ASXL3: variants seen among roughly 807,000 people sequenced by gnomAD.
ASXL3 encodes putative Polycomb group protein ASXL3.
Under a neutral mutation model 170.6 loss-of-function variants are expected in ASXL3, and 34 were observed. That is an observed-to-expected ratio of 0.20 (90% CI 0.15 to 0.27). The LOEUF (loss-of-function observed/expected upper bound fraction) is 0.27, where lower values mean the gene tolerates loss of function less well. Ranked by LOEUF, ASXL3 falls within the 10% of genes least tolerant of loss-of-function variation. The pLI, the probability that ASXL3 is intolerant of heterozygous loss-of-function variation, is 1.00. For synonymous variants in ASXL3, 1,002 were observed against 989.1 expected, an observed-to-expected ratio of 1.01 and a Z score of -0.24; for missense variants, 2,592 against 2,695.3, an observed-to-expected ratio of 0.96 and a Z score of 0.85.
In ASXL3 at chr18:33,738,865, TGAA is replaced by T; in HGVS notation, c.1465_1467del (p.Glu489del). 1 of 1,613,610 alleles carries T rather than the reference TGAA, an allele frequency of 6.2e-7. No individual in the cohort carries two copies. The highest frequency in any genetic ancestry group is 1.1e-5 in the South Asian group (1 of 91,060). ...AGGCTGAAAGTCTAACCAATTCTCA[TGAA>T]GAACCCCAAATAGCACCTCCTGAAG... On this transcript the variant is annotated inframe_deletion, in exon 11 of 12. Coordinates refer to ENST00000269197, the MANE Select transcript of ASXL3 (RefSeq NM_030632.3).
chr18:33,745,930 C>A lies in ASXL3; in HGVS notation c.6082C>A (p.Pro2028Thr). Residue 2028 changes from proline (P) to threonine (T), a missense_variant, in exon 12 of 12, where the codon CCC becomes ACC. Pro to Thr is a conservative substitution (Grantham distance 38). Around this residue, in one of 4 missense-constraint regions of ASXL3, gnomAD observed 2,246 missense variants for 2,219.6 expected, o/e 1.01. Coordinates refer to ENST00000269197, the MANE Select transcript of ASXL3 (RefSeq NM_030632.3). Reference protein sequence around the residue: ...PPPPPPPPPPPLALPPPPPPP... With the variant: ...PPPPPPPPPPTLALPPPPPPP... The stretch of plus-strand genomic sequence containing the variant: ...GCCACCGCCTCCCCCTCCCCCTCCA[C>A]CCTTGGCTTTGCCCCCGCCTCCCCC... The A allele has an allele frequency of 6.4e-7, 1 of 1,551,508 alleles. No homozygotes were observed. Among genetic ancestry groups the A allele is most frequent in the Non-Finnish European group, 8.7e-7 (1 of 1,151,556 alleles).
In ASXL3 at chr18:33,590,111, G is replaced by GTTTTTTTTTTTTTTTTTTT. The variant is rs567969303; in HGVS notation, c.54+11427_54+11445dup. Among the ~76,000 whole-genome samples the GTTTTTTTTTTTTTTTTTTT allele has an allele frequency of 2.2e-3, 182 of 83,094 alleles. 5 individuals are homozygous for GTTTTTTTTTTTTTTTTTTT. Among genetic ancestry groups the GTTTTTTTTTTTTTTTTTTT allele is most frequent in the African/African-American group, 4.4e-3 (64 of 14,534 alleles). 54.5% of individuals were successfully genotyped at this position (83,094 alleles called of 152,430 possible). A position where few individuals can be genotyped will look rare whatever the true frequency, so the allele number is the denominator to read the frequency against. On this transcript the variant is annotated intron_variant, in intron 1 of 11. Transcript: ENST00000269197. Reference sequence around the variant, plus strand: ...TGTCGTCAAGGTATTTGCTTTCTATGTTTTTTTTTTTTTTTTTTTGCTTTG... The same window carrying GTTTTTTTTTTTTTTTTTTT: ...TGTCGTCAAGGTATTTGCTTTCTATGTTTTTTTTTTTTTTTTTTTTTTTTTTTTTTTTTTTTTTGCTTTG...
At chr18:33,624,544 C>G (rs1341676182) in intron 2 of ASXL3, among the ~76,000 whole-genome samples, 2 of 151,990 alleles carry the variant, frequency 1.3e-5, no homozygotes, top group African/African-American at 4.8e-5. Flanking sequence ...TAGAATTTCC[C>G]TTGCTTTCCC....
chr18:33,680,964 T>A (rs1294820698), intron 7 of ASXL3, among the ~76,000 whole-genome samples: 1 of 152,046 alleles, frequency 6.6e-6, no homozygotes, highest in Admixed American at 6.5e-5. Context: ...TTAATTTTAA[T>A]TTTTTTCCTC....
Position 33,739,397 on chromosome 18 carries a change from A to G in ASXL3, c.1993A>G (p.Arg665Gly). ...STENTDKYNQ[R>G]NSTDENFHAS... ...TGAAAATACAGACAAATACAACCAG[A>G]GAAATTCCACTGATGAAAACTTTCA... Residue 665 changes from arginine to glycine, a missense_variant, in exon 11 of 12, where the codon AGA becomes GGA. This residue lies in a region of ASXL3 where 2,246 missense variants were observed against 2,219.6 expected (regional missense o/e 1.01). Transcript: ENST00000269197. 6.2e-7 allele frequency: 1 copy of G among 1,613,888 alleles called. No individual in the cohort carries two copies. Among genetic ancestry groups the G allele is most frequent in the Non-Finnish European group, 8.5e-7 (1 of 1,179,822 alleles).
chr18:33,604,358 G>C (rs1390460534), intron 1 of ASXL3, among the ~76,000 whole-genome samples: 1 of 151,856 alleles, frequency 6.6e-6, no homozygotes, highest in East Asian at 1.9e-4. Flanking sequence ...GCTTATTACA[G>C]GTTACAAAAT....
chr18:33,696,982 G>A (rs1018521334), intron 8 of ASXL3, among the ~76,000 whole-genome samples: 25 of 152,048 alleles, frequency 1.6e-4, no homozygotes, highest in African/African-American at 5.8e-4. Flanking sequence ...GTTTATTTGT[G>A]GATGAAATAT....
rs775548273 is a variant in ASXL3 at position 33,745,590 on chromosome 18, C to G, written c.5742C>G (p.Asp1914Glu). ...TCCAGCAGAACCTATTTCATGTTGA[C>G]AAGAATGGCGGCTTCCACACTGACG... The part of the protein sequence containing the change: ...CSFQQNLFHV[D>E]KNGGFHTDAG... Residue 1914 changes from aspartate to glutamate, a missense_variant, in exon 12 of 12, where the codon GAC becomes GAG. Transcript: ENST00000269197. The G allele has an allele frequency of 2.7e-5, 44 of 1,614,000 alleles. No homozygotes were observed. The highest frequency in any genetic ancestry group is 3.7e-5 in the Non-Finnish European group (44 of 1,179,892).
intron 5 of ASXL3, among the ~76,000 whole-genome samples, chr18:33,665,603 C>G (rs2145242229): frequency 6.6e-6 from 1 of 152,272 alleles, no homozygotes. Flanking sequence ...TAAAATAAAG[C>G]AGGCATTACT....
Position 33,744,944 on chromosome 18 carries a change from C to G in ASXL3, c.5096C>G (p.Ala1699Gly). 1.2e-6 allele frequency: 2 copies of G among 1,613,946 alleles called. No individual in the cohort carries two copies. Among genetic ancestry groups the G allele is most frequent in the African/African-American group, 1.3e-5 (1 of 75,044 alleles). Reference sequence around the variant, plus strand: ...CTGCCTCCTCCGGCTGCAGAGGGAGCCTCTAGTGTACAACAAACACAGAAC... The same window carrying G: ...CTGCCTCCTCCGGCTGCAGAGGGAGGCTCTAGTGTACAACAAACACAGAAC... ...PELPPPAAEG[A>G]SSVQQTQNMK... Residue 1699 changes from alanine (A) to glycine (G), a missense_variant, in exon 12 of 12, where the codon GCC becomes GGC. By Grantham distance (60) the Ala-to-Gly change is moderately conservative (BLOSUM62 0). Around this residue, in one of 4 missense-constraint regions of ASXL3, gnomAD observed 2,246 missense variants for 2,219.6 expected, o/e 1.01. Transcript: ENST00000269197.
chr18:33,579,012 T>G (rs1330703326), intron 1 of ASXL3: 1 of 169,748 alleles, frequency 5.9e-6, no homozygotes, highest in African/African-American at 2.4e-5. Flanking sequence ...GACTTCCCTC[T>G]CTGCCGCTCC....
intron 2 of ASXL3, among the ~76,000 whole-genome samples, chr18:33,639,466 T>C (rs2145189358): frequency 6.6e-6 from 1 of 152,272 alleles, no homozygotes; most frequent in Non-Finnish European, 1.5e-5. Flanking sequence ...TGTCTAGGTG[T>C]ATGTGTGGCA....
intron 10 of ASXL3, among the ~76,000 whole-genome samples, chr18:33,736,998 T>C (rs1409710173): frequency 1.3e-5 from 2 of 152,190 alleles, no homozygotes; most frequent in African/African-American, 4.8e-5. Flanking sequence ...CTTATTCTAG[T>C]ATCAGTGGTA....
intron 1 of ASXL3, among the ~76,000 whole-genome samples, chr18:33,591,076 A>G (rs2065072947): frequency 6.6e-6 from 1 of 152,222 alleles, no homozygotes; most frequent in Non-Finnish European, 1.5e-5. Context: ...TTTTCTGAAT[A>G]TTGAGATTAG....
intron 7 of ASXL3, 43 bp downstream of exon 7, chr18:33,671,909 T>C (rs761821876): frequency 6.8e-7 from 1 of 1,468,670 alleles, no homozygotes; most frequent in South Asian, 1.4e-5. Flanking sequence ...TTTAGAAATT[T>C]GTGTTTTCTC....
chr18:33,593,582 C>T (rs866644876), intron 1 of ASXL3, among the ~76,000 whole-genome samples: 2 of 152,160 alleles, frequency 1.3e-5, no homozygotes, highest in Non-Finnish European at 2.9e-5. Flanking sequence ...GCATCTTAAA[C>T]CAGACGAGCG....
rs920402564 is a variant in ASXL3 at position 33,646,883 on chromosome 18, G to T, written c.355+530G>T. 1.2e-4 allele frequency among the ~76,000 whole-genome samples: 17 copies of T among 143,920 alleles called. 1 individual carries two copies. The highest frequency in any genetic ancestry group is 9.0e-4 in the Admixed American group (13 of 14,502). 94.4% of individuals were successfully genotyped at this position (143,920 alleles called of 152,430 possible). On this transcript the variant is annotated intron_variant, in intron 4 of 11. Transcript: ENST00000269197. ...CTTCCAGAATTTTAAGGGGGAGCGG[G>T]GGGGGGGGGCATTTTTCACCTCTGA...
At chr18:33,643,205 G>A (rs998029404) in intron 2 of ASXL3, among the ~76,000 whole-genome samples, 1 of 151,754 alleles carries the variant, frequency 6.6e-6, no homozygotes, top group Non-Finnish European at 1.5e-5. Context: ...AGAATATAAT[G>A]TAAAAATATG....
At chr18:33,722,618 G>T (rs1012015107) in intron 8 of ASXL3, among the ~76,000 whole-genome samples, 4 of 152,150 alleles carry the variant, frequency 2.6e-5, no homozygotes, top group African/African-American at 9.7e-5. Context: ...CTTAAGGAAA[G>T]AAGCCATCTC....
Sources: gnomAD v4.1 joint callset for allele counts (sites outside exome capture counted in the v4.1 genomes callset) on GRCh38, gnomAD v4.1.1 for gene constraint, gnomAD v4.1.1 regional missense constraint, MANE v1.5 for transcripts, NCBI Gene and HGNC (gene_info 2026-07-23, HGNC 2026-07-21) for gene names.